TAB2: variants seen among roughly 807,000 people sequenced by gnomAD.
TAB2 encodes TGF-beta activated kinase 1 (MAP3K7) binding protein 2, also known as TGF-beta-activated kinase 1 and MAP3K7-binding protein 2.
TAB2 carries 3 observed loss-of-function variants against 65.0 expected under a neutral mutation model. That is an observed-to-expected ratio of 0.05 (90% CI 0.02 to 0.12). The LOEUF is 0.12. Ranked by LOEUF, TAB2 falls within the 10% of genes least tolerant of loss-of-function variation. The pLI, the probability that TAB2 is intolerant of heterozygous loss-of-function variation, is 1.00. For synonymous variants in TAB2, 298 were observed against 285.1 expected (o/e 1.05, Z -0.46); for missense variants, 623 against 840.3 (o/e 0.74, Z 3.20).
chr6:149,258,920 G>A (rs1778096511), intron 1 of TAB2, among the ~76,000 whole-genome samples: 1 of 152,190 alleles, frequency 6.6e-6, no homozygotes, highest in South Asian at 2.1e-4. Context: ...TCAGAGTTAT[G>A]GGATGTGAAT....
At chr6:149,393,772 A>C (rs1782075293) in intron 3 of TAB2, among the ~76,000 whole-genome samples, 1 of 152,114 alleles carries the variant, frequency 6.6e-6, no homozygotes, top group Non-Finnish European at 1.5e-5. Context: ...GCAGAGTTGC[A>C]TACTAGCATT....
At position 149,397,960 on chromosome 6, in the gene TAB2, A is replaced by G. The variant is rs1782232698; in HGVS notation, c.1765-9A>G. The G allele has an allele frequency of 6.2e-7, 1 of 1,612,216 alleles. No individual in the cohort carries two copies. The highest frequency in any genetic ancestry group is 1.7e-5 in the Admixed American group (1 of 59,988). On this transcript the variant is annotated splice_polypyrimidine_tract_variant and intron_variant, in intron 4 of 6. Coordinates refer to ENST00000637181, the MANE Select transcript of TAB2 (RefSeq NM_001292034.3). Reference sequence around the variant, plus strand: ...GTGCAAATCTTACTTACATAGAATTATTTTTCAGCTTGAAGAAATGCAGCA... The same window carrying G: ...GTGCAAATCTTACTTACATAGAATTGTTTTTCAGCTTGAAGAAATGCAGCA...
intron 1 of TAB2, among the ~76,000 whole-genome samples, chr6:149,235,580 A>T (rs921138597): frequency 2.0e-5 from 3 of 152,214 alleles, no homozygotes; most frequent in Non-Finnish European, 4.4e-5. Flanking sequence ...AACATGAAGG[A>T]GTTCACCATT....
rs567087402 is a variant in TAB2 at position 149,367,161 on chromosome 6, A to G, written c.-89-2748A>G. On this transcript the variant is annotated intron_variant, in intron 1 of 6. Transcript: ENST00000637181. ...TGGGGCTAATGTTTTGGGGATGGAG[A>G]GATAATAAAATATATCTCAGGTATT... Among the ~76,000 whole-genome samples, 77 of 152,244 alleles carry G rather than the reference A, an allele frequency of 5.1e-4. No homozygotes were observed. In the South Asian group the frequency reaches 0.016, roughly 31 times the overall value.
chr6:149,345,727 A>G (rs1780272480), intron 1 of TAB2, among the ~76,000 whole-genome samples: 1 of 152,184 alleles, frequency 6.6e-6, no homozygotes, highest in Non-Finnish European at 1.5e-5. Flanking sequence ...TTTCAGCATC[A>G]TAGGAAAGGA....
intron 1 of TAB2, among the ~76,000 whole-genome samples, chr6:149,323,672 C>T (rs1779519445): frequency 6.6e-6 from 1 of 152,126 alleles, no homozygotes; most frequent in Non-Finnish European, 1.5e-5. Flanking sequence ...TATCCTCTAC[C>T]TAAAGAATAA....
intron 6 of TAB2, among the ~76,000 whole-genome samples, chr6:149,406,209 T>C (rs2789489): frequency 6.6e-6 from 1 of 152,170 alleles, no homozygotes; most frequent in Non-Finnish European, 1.5e-5. Flanking sequence ...CATATGTTTG[T>C]ATTTTCAAAT....
At chr6:149,249,906 G>C (rs551371925) in intron 1 of TAB2, among the ~76,000 whole-genome samples, 1 of 152,136 alleles carries the variant, frequency 6.6e-6, no homozygotes, top group African/African-American at 2.4e-5. Flanking sequence ...CAAACTGTTA[G>C]CTATTTGAAA....
intron 1 of TAB2, among the ~76,000 whole-genome samples, chr6:149,334,676 T>TAAA (rs944087167): frequency 2.2e-5 from 3 of 138,376 alleles, no homozygotes; most frequent in East Asian, 2.1e-4. Context: ...CCTTGTCTCT[T>TAAA]AAAAAAAAAA....
intron 1 of TAB2, among the ~76,000 whole-genome samples, chr6:149,324,367 TTTA>T (rs1488992339): frequency 1.2e-4 from 19 of 152,168 alleles, no homozygotes; most frequent in Non-Finnish European, 2.2e-4. Context: ...TATTCACCAG[TTTA>T]TTAACCATCA....
intron 1 of TAB2, among the ~76,000 whole-genome samples, chr6:149,327,407 C>CCT (rs1779652313): frequency 6.6e-6 from 1 of 152,314 alleles, no homozygotes; most frequent in Non-Finnish European, 1.5e-5. Context: ...CCCAAGCCAT[C>CCT]CTCTTGCCTC....
At chr6:149,400,619 G>A in intron 6 of TAB2, 1 of 1,614,200 alleles carries the variant, frequency 6.2e-7, no homozygotes. Context: ...CTGCACAGTT[G>A]GAAATGGAAG....
chr6:149,235,021 C>T (rs1020409072), intron 1 of TAB2, among the ~76,000 whole-genome samples: 1 of 152,208 alleles, frequency 6.6e-6, no homozygotes, highest in Non-Finnish European at 1.5e-5. Flanking sequence ...CATCTGACTT[C>T]AGCACTTTTT....
chr6:149,273,421 G>A (rs972473474), intron 1 of TAB2, among the ~76,000 whole-genome samples: 25 of 152,266 alleles, frequency 1.6e-4, no homozygotes, highest in East Asian at 1.9e-4. Flanking sequence ...TCGTGAAAAC[G>A]GGCTGGGAGG....
intron 1 of TAB2, among the ~76,000 whole-genome samples, chr6:149,342,215 C>T (rs897368002): frequency 5.3e-5 from 8 of 152,090 alleles, no homozygotes; most frequent in African/African-American, 1.9e-4. Flanking sequence ...ATATCTAAAG[C>T]ATTTCTTAAG....
chr6:149,374,566 C>T (rs920399301), intron 2 of TAB2, among the ~76,000 whole-genome samples: 1 of 152,124 alleles, frequency 6.6e-6, no homozygotes, highest in Non-Finnish European at 1.5e-5. Context: ...TTTAGCACCC[C>T]TAATGAAATA....
chr6:149,354,076 T>C (rs1780576779), intron 1 of TAB2, among the ~76,000 whole-genome samples: 1 of 152,254 alleles, frequency 6.6e-6, no homozygotes, highest in African/African-American at 2.4e-5. Flanking sequence ...CTTTACTGGA[T>C]ATTGGTTTCT....
intron 1 of TAB2, among the ~76,000 whole-genome samples, chr6:149,329,108 T>G (rs544476118): frequency 1.3e-5 from 2 of 152,290 alleles, no homozygotes; most frequent in South Asian, 4.1e-4. Flanking sequence ...TCGAGATACC[T>G]GTATACTCCA....
intron 1 of TAB2, among the ~76,000 whole-genome samples, chr6:149,340,916 G>C (rs1780101479): frequency 6.6e-6 from 1 of 152,112 alleles, no homozygotes; most frequent in South Asian, 2.1e-4. Context: ...GGTAATTTTA[G>C]AGAGGGTGTA....
Sources: gnomAD v4.1 joint callset for allele counts (sites outside exome capture counted in the v4.1 genomes callset) on GRCh38, gnomAD v4.1.1 for gene constraint, MANE v1.5 for transcripts, NCBI Gene and HGNC (gene_info 2026-07-23, HGNC 2026-07-21) for gene names.